The following MAPK8 variants were observed in gnomAD, a reference collection of about 807,000 sequenced individuals.
MAPK8 encodes mitogen-activated protein kinase 8.
In MAPK8, 13 loss-of-function variants were observed where a neutral mutation model predicts 52.9. That is an observed-to-expected ratio of 0.25 (90% CI 0.16 to 0.39). The LOEUF (loss-of-function observed/expected upper bound fraction) is 0.39, where lower values mean the gene tolerates loss of function less well. MAPK8 is among the 10% of genes least tolerant of loss of function. The probability of loss-of-function intolerance (pLI) is 1.00; values close to 1 mark genes in which losing one functional copy is unlikely to be tolerated. For synonymous variants in MAPK8, 191 were observed against 169.8 expected, an observed-to-expected ratio of 1.12 and a Z score of -0.97; for missense variants, 300 against 519.2, an observed-to-expected ratio of 0.58 and a Z score of 4.10.
intron 1 of MAPK8, among the ~76,000 whole-genome samples, chr10:48,400,043 T>G (rs1182388148): frequency 6.6e-6 from 1 of 152,256 alleles, no homozygotes; most frequent in Non-Finnish European, 1.5e-5. Flanking sequence ...CTCTTCTTCC[T>G]TATTTCACTA....
At chr10:48,328,156 A>G (rs1283134804) in intron 1 of MAPK8, among the ~76,000 whole-genome samples, 1 of 152,156 alleles carries the variant, frequency 6.6e-6, no homozygotes, top group Non-Finnish European at 1.5e-5. Flanking sequence ...AGCTGGGATT[A>G]CAGGTACATG....
At position 48,394,700 on chromosome 10, in the gene MAPK8, C is replaced by T. The variant is rs182350611; in HGVS notation, c.-49-6912C>T. 1.1e-3 allele frequency among the ~76,000 whole-genome samples: 167 copies of T among 151,770 alleles called. No homozygotes were observed. In the South Asian group the frequency reaches 0.012, roughly 11 times the overall value. ...ATCATGAACAGGCACCACTTCTATT[C>T]GGCATTGTATGGAAATTATAGTTAG... On this transcript the variant is annotated intron_variant, in intron 1 of 11. Transcript: ENST00000374189.
chr10:48,320,875 A>G (rs905096078), intron 1 of MAPK8, among the ~76,000 whole-genome samples: 2 of 152,160 alleles, frequency 1.3e-5, no homozygotes, highest in Admixed American at 6.5e-5. Flanking sequence ...TCCACATCCT[A>G]TTCAAGCTTG....
rs560792362 is a variant in MAPK8 at position 48,377,525 on chromosome 10, C to T, written c.-49-24087C>T. On this transcript the variant is annotated intron_variant, in intron 1 of 11. Coordinates refer to ENST00000374189, the MANE Select transcript of MAPK8 (RefSeq NM_001323329.2). ...GTGGTGTGTGAGCCAAGCTAATTTGCGCAGAAGGAATTGTGTAGCTTGCAA... is the reference window on the plus strand; with the variant it reads ...GTGGTGTGTGAGCCAAGCTAATTTGTGCAGAAGGAATTGTGTAGCTTGCAA... Among the ~76,000 whole-genome samples, 9 of 152,156 alleles carry T rather than the reference C, an allele frequency of 5.9e-5. No individual in the cohort carries two copies. The South Asian group carries it at 6.2e-4, about 11-fold the overall frequency.
At chr10:48,383,723 T>C (rs2041151277) in intron 1 of MAPK8, among the ~76,000 whole-genome samples, 1 of 152,238 alleles carries the variant, frequency 6.6e-6, no homozygotes, top group African/African-American at 2.4e-5. Flanking sequence ...TGTATTTTTA[T>C]AATCTCAGTA....
intron 1 of MAPK8, among the ~76,000 whole-genome samples, chr10:48,351,686 T>TAAAACTGTAGC (rs1279178731): frequency 6.6e-6 from 1 of 152,064 alleles, no homozygotes; most frequent in Non-Finnish European, 1.5e-5. Flanking sequence ...TCTTAATGGG[T>TAAAACTGTAGC]AAAACTGTAG....
intron 1 of MAPK8, among the ~76,000 whole-genome samples, chr10:48,377,479 A>G (rs1025477704): frequency 1.6e-4 from 24 of 152,214 alleles, no homozygotes; most frequent in Non-Finnish European, 5.9e-5. Context: ...GTACATGGCT[A>G]CTTTGCGGTA....
chr10:48,329,770 A>G (rs1208245066), intron 1 of MAPK8, among the ~76,000 whole-genome samples: 3 of 152,178 alleles, frequency 2.0e-5, no homozygotes, highest in Non-Finnish European at 2.9e-5. Context: ...ATGTGTTAAC[A>G]TAGGGTCCAT....
chr10:48,425,832 TG>T, intron 7 of MAPK8, 55 bp from the exon 8 acceptor site: 1 of 963,512 alleles, frequency 1.0e-6, no homozygotes, highest in Non-Finnish European at 1.5e-6. Flanking sequence ...AATATGAATA[TG>T]ACTAATGTAT....
chr10:48,363,590 C>A (rs1847759465), intron 1 of MAPK8, among the ~76,000 whole-genome samples: 1 of 152,166 alleles, frequency 6.6e-6, no homozygotes, highest in Non-Finnish European at 1.5e-5. Context: ...TCAATACTAT[C>A]TTTTATCAAT....
At chr10:48,402,125 C>A (rs2042190344) in intron 2 of MAPK8, among the ~76,000 whole-genome samples, 1 of 152,114 alleles carries the variant, frequency 6.6e-6, no homozygotes, top group Non-Finnish European at 1.5e-5. Context: ...AATTTAGATT[C>A]TCGAGCATTT....
Position 48,425,950 on chromosome 10 carries a change from A to G in MAPK8, c.751A>G (p.Lys251Glu). Residue 251 changes from lysine (K) to glutamate (E), a missense_variant, in exon 8 of 12, where the codon AAA becomes GAA. Lys to Glu is a moderately conservative substitution (Grantham distance 56, BLOSUM62 1). Transcript: ENST00000374189. ...LGTPCPEFMK[K>E]LQPTVRTYVE... is the part of the protein sequence containing the mutation. ...AACACCATGTCCTGAATTCATGAAG[A>G]AACTGCAACCAACAGTAAGGACTTA... 1.2e-6 allele frequency: 2 copies of G among 1,612,954 alleles called. No homozygotes were observed. The highest frequency in any genetic ancestry group is 1.7e-6 in the Non-Finnish European group (2 of 1,179,276).
At chr10:48,353,342 A>T (rs971697856) in intron 1 of MAPK8, among the ~76,000 whole-genome samples, 6 of 152,196 alleles carry the variant, frequency 3.9e-5, no homozygotes, top group African/African-American at 1.2e-4. Flanking sequence ...ATTTCGACTT[A>T]TAAAGATAGC....
chr10:48,358,456 G>A (rs1267585861), intron 1 of MAPK8, among the ~76,000 whole-genome samples: 1 of 152,050 alleles, frequency 6.6e-6, no homozygotes, highest in South Asian at 2.1e-4. Context: ...TGGCTGTTTT[G>A]GGTTTGTCTT....
chr10:48,428,065 A>G (rs2043812863), intron 10 of MAPK8, among the ~76,000 whole-genome samples: 1 of 152,188 alleles, frequency 6.6e-6, no homozygotes, highest in Non-Finnish European at 1.5e-5. Context: ...CTCCAAAGAA[A>G]TGGTAGTAGT....
At chr10:48,416,476 CT>C (rs1007067650) in intron 5 of MAPK8, among the ~76,000 whole-genome samples, 2 of 152,208 alleles carry the variant, frequency 1.3e-5, no homozygotes, top group Non-Finnish European at 2.9e-5. Flanking sequence ...CCTTTGCTCC[CT>C]TTATTCCACA....
At chr10:48,421,643 G>C (rs2043362029) in intron 6 of MAPK8, among the ~76,000 whole-genome samples, 1 of 152,054 alleles carries the variant, frequency 6.6e-6, no homozygotes, top group Non-Finnish European at 1.5e-5. Context: ...TGTCTCTACT[G>C]AAAGTACAGA....
chr10:48,336,783 A>G (rs1030326837), intron 1 of MAPK8, among the ~76,000 whole-genome samples: 2 of 152,194 alleles, frequency 1.3e-5, no homozygotes, highest in African/African-American at 4.8e-5. Flanking sequence ...CTGGAATGGA[A>G]CTTTTATTTC....
At chr10:48,324,050 C>T (rs1246823359) in intron 1 of MAPK8, among the ~76,000 whole-genome samples, 1 of 152,230 alleles carries the variant, frequency 6.6e-6, no homozygotes, top group Non-Finnish European at 1.5e-5. Context: ...AATGTTCAGA[C>T]ATACACATTG....
Sources: allele counts gnomAD v4.1 joint callset (sites outside exome capture counted in the v4.1 genomes callset), GRCh38; gene constraint gnomAD v4.1.1; transcripts MANE v1.5; gene names NCBI Gene and HGNC (gene_info 2026-07-23, HGNC 2026-07-21).